Variants in RHOBTB1 observed in about 807,000 individuals in gnomAD.
RHOBTB1 encodes the protein Rho related BTB domain containing 1.
A neutral mutation model predicts 71.6 loss-of-function variants in RHOBTB1; 40 were observed. That is an observed-to-expected ratio of 0.56 (90% CI 0.43 to 0.73). The LOEUF (loss-of-function observed/expected upper bound fraction) is 0.73, where lower values mean the gene tolerates loss of function less well. Ranked by LOEUF, RHOBTB1 falls within the 30% of genes least tolerant of loss-of-function variation. The probability of loss-of-function intolerance (pLI) is 0.00; values close to 1 mark genes in which losing one functional copy is unlikely to be tolerated. For missense variants in RHOBTB1, 797 were observed against 894.0 expected (o/e 0.89, Z 1.38); for synonymous variants, 319 against 334.9 (o/e 0.95, Z 0.52).
At chr10:60,993,109 C>T (rs532225164) in intron 1 of RHOBTB1, among the ~76,000 whole-genome samples, 8 of 151,992 alleles carry the variant, frequency 5.3e-5, no homozygotes, top group Admixed American at 2.0e-4. Context: ...ATGGAGGGGA[C>T]GTGTCTCTCT....
intron 2 of RHOBTB1, among the ~76,000 whole-genome samples, chr10:60,970,247 T>G (rs889684286): frequency 1.1e-4 from 17 of 152,198 alleles, no homozygotes; most frequent in Non-Finnish European, 2.2e-4. Flanking sequence ...TTTTGCTTAT[T>G]ATATTAAAAA....
intron 2 of RHOBTB1, among the ~76,000 whole-genome samples, chr10:60,927,070 C>A (rs1221031547): frequency 6.6e-6 from 1 of 152,004 alleles, no homozygotes; most frequent in Non-Finnish European, 1.5e-5. Flanking sequence ...TTGCTATATG[C>A]CAACAATGAA....
At chr10:60,935,188 A>G (rs1318093312) in intron 2 of RHOBTB1, among the ~76,000 whole-genome samples, 3 of 152,246 alleles carry the variant, frequency 2.0e-5, no homozygotes, top group Non-Finnish European at 4.4e-5. Context: ...TGCATACATT[A>G]TGGATGAATC....
At chr10:60,959,231 AT>A (rs2085700168) in intron 2 of RHOBTB1, among the ~76,000 whole-genome samples, 2 of 152,176 alleles carry the variant, frequency 1.3e-5, no homozygotes, top group South Asian at 4.1e-4. Flanking sequence ...ATGGCCACAT[AT>A]TTGCTGCTTA....
At chr10:60,939,539 T>A (rs79333948) in intron 2 of RHOBTB1, among the ~76,000 whole-genome samples, 17 of 152,310 alleles carry the variant, frequency 1.1e-4, no homozygotes, top group Non-Finnish European at 2.1e-4. Context: ...TACCCTTGTC[T>A]ACACACACTT....
intron 2 of RHOBTB1, among the ~76,000 whole-genome samples, chr10:60,938,177 A>G (rs2084699221): frequency 6.6e-6 from 1 of 152,226 alleles, no homozygotes; most frequent in African/African-American, 2.4e-5. Context: ...AAGATAAGTG[A>G]GGTTTCTCCT....
At chr10:60,974,603 T>C (rs935639729) in intron 2 of RHOBTB1, among the ~76,000 whole-genome samples, 4 of 152,012 alleles carry the variant, frequency 2.6e-5, no homozygotes, top group African/African-American at 4.8e-5. Flanking sequence ...TTTAGACTTG[T>C]TTAGAGGAAG....
At chr10:60,921,080 C>G (rs1589306390) in intron 2 of RHOBTB1, among the ~76,000 whole-genome samples, 1 of 151,888 alleles carries the variant, frequency 6.6e-6, no homozygotes, top group Non-Finnish European at 1.5e-5. Context: ...TCCTGAGTAG[C>G]TGGGATTACT....
In RHOBTB1 at chr10:60,877,987, A is replaced by C; in HGVS notation, c.1647T>G (p.Ser549=). Residue 549 remains serine (S), a synonymous_variant, in exon 8 of 11, where the codon TCT becomes TCG. Transcript: ENST00000337910. ...VLDYLYTKQL[S]PNLDLDPLEL... is the part of the protein sequence containing the mutation. The stretch of plus-strand genomic sequence containing the variant: ...CCAGCGGGTCCAGATCCAAGTTAGG[A>C]GACAACTGCTTGGTATAGAGATAAT... 1 of 1,613,766 alleles carries C rather than the reference A, an allele frequency of 6.2e-7. No individual in the cohort carries two copies.
chr10:60,871,371 A>C lies in RHOBTB1; in HGVS notation c.*111T>G. On this transcript the variant is annotated 3_prime_UTR_variant, in exon 11 of 11. Transcript: ENST00000337910. ...AAAGTGGAGGAAGATCAGTGCCCGA[A>C]ACCTGAACTATGTCGTATCTCTAAC... 9.1e-7 allele frequency: 1 copy of C among 1,100,318 alleles called. No individual in the cohort carries two copies. 68.2% of individuals were successfully genotyped at this position (1,100,318 alleles called of 1,614,324 possible).
chr10:60,955,682 C>A (rs367709328), intron 2 of RHOBTB1, among the ~76,000 whole-genome samples: 112 of 152,110 alleles, frequency 7.4e-4, no homozygotes, highest in African/African-American at 2.6e-3. Context: ...GTAAGAAAGC[C>A]TTCCCTTAGT....
intron 2 of RHOBTB1, among the ~76,000 whole-genome samples, chr10:60,966,837 C>G (rs1205686913): frequency 2.0e-5 from 3 of 147,406 alleles, no homozygotes; most frequent in Non-Finnish European, 3.0e-5. Context: ...TCCCTCCCCC[C>G]TCCCCCCACC....
chr10:60,906,829 T>C (rs2082704911), intron 4 of RHOBTB1, among the ~76,000 whole-genome samples: 1 of 152,142 alleles, frequency 6.6e-6, no homozygotes, highest in African/African-American at 2.4e-5. Context: ...AAATCTGCAA[T>C]TATTTACCTA....
intron 5 of RHOBTB1, among the ~76,000 whole-genome samples, chr10:60,890,381 G>A (rs2081858994): frequency 6.6e-6 from 1 of 152,056 alleles, no homozygotes. Context: ...CGGCAGTTCT[G>A]TTTTAACTTC....
At position 60,986,404 on chromosome 10, in the gene RHOBTB1, G is replaced by GATATAT. The variant is rs34154360; in HGVS notation, c.-162-465_-162-460dup. On this transcript the variant is annotated intron_variant, in intron 1 of 11. Transcript: ENST00000357917. ...AGAAATTAATGAAATATAAATAAAA[G>GATATAT]ATATATATATATATATATATATATA... Among the ~76,000 whole-genome samples the GATATAT allele has an allele frequency of 9.1e-3, 618 of 67,626 alleles. 6 individuals are homozygous for GATATAT. Among genetic ancestry groups the GATATAT allele is most frequent in the African/African-American group, 0.019 (474 of 25,088 alleles). The allele number at this position is 67,626 out of a possible 152,430, so 44.4% of individuals were successfully genotyped here.
intron 1 of RHOBTB1, among the ~76,000 whole-genome samples, chr10:60,994,226 C>A (rs933261292): frequency 9.9e-5 from 15 of 152,208 alleles, no homozygotes; most frequent in African/African-American, 3.1e-4. Context: ...GCAGGCTTGA[C>A]CTCTGACCTC....
At chr10:60,987,043 G>C (rs1054489779) in intron 1 of RHOBTB1, among the ~76,000 whole-genome samples, 4 of 152,166 alleles carry the variant, frequency 2.6e-5, no homozygotes, top group African/African-American at 9.7e-5. Context: ...CCAGATGTGA[G>C]ACAAAACGGA....
At chr10:60,966,649 T>C (rs2085968755) in intron 2 of RHOBTB1, among the ~76,000 whole-genome samples, 1 of 152,086 alleles carries the variant, frequency 6.6e-6, no homozygotes, top group African/African-American at 2.4e-5. Context: ...CACACATTTA[T>C]TGAGAAACTT....
chr10:60,917,826 C>A (rs926927029), intron 2 of RHOBTB1, among the ~76,000 whole-genome samples: 3 of 152,196 alleles, frequency 2.0e-5, no homozygotes, highest in Non-Finnish European at 4.4e-5. Flanking sequence ...GTCTGTCTTG[C>A]AAATTCTAGT....
Sources: allele counts gnomAD v4.1 joint callset (sites outside exome capture counted in the v4.1 genomes callset), GRCh38; gene constraint gnomAD v4.1.1; transcripts MANE v1.5; gene names NCBI Gene and HGNC (gene_info 2026-07-23, HGNC 2026-07-21).